MAP7: variants seen among roughly 807,000 people sequenced by gnomAD.
The protein encoded by MAP7 is microtubule associated protein 7.
MAP7 carries 52 observed loss-of-function variants against 94.8 expected under a neutral mutation model. The observed-to-expected ratio is 0.55, with a 90% CI of 0.44 to 0.69. The LOEUF (loss-of-function observed/expected upper bound fraction) is 0.69. Ranked by LOEUF, MAP7 falls within the 30% of genes least tolerant of loss-of-function variation. MAP7 has a pLI of 0.00. For missense variants in MAP7, 940 were observed against 964.6 expected (o/e 0.97, Z 0.34); for synonymous variants, 350 against 357.0 (o/e 0.98, Z 0.22).
chr6:136,480,360 C>T lies in MAP7; in HGVS notation c.68-58561G>A, dbSNP rs901776569. ...AAATCAAATCAAAATGTATTAAATT[C>T]TTACATCTAACACTTCAAACTATGA... On this transcript the variant is annotated intron_variant, in intron 1 of 17. Coordinates refer to ENST00000354570, the MANE Select transcript of MAP7 (RefSeq NM_003980.6). 5.3e-5 allele frequency among the ~76,000 whole-genome samples: 8 copies of T among 152,138 alleles called. No individual in the cohort carries two copies. In the East Asian group the frequency reaches 1.5e-3, roughly 29 times the overall value.
chr6:136,424,092 C>T (rs772033299), intron 1 of MAP7, among the ~76,000 whole-genome samples: 54 of 152,000 alleles, frequency 3.6e-4, no homozygotes, highest in Non-Finnish European at 7.1e-4. Context: ...GCCACCACGC[C>T]CAGCTGGGAG....
chr6:136,491,999 A>T (rs749174174), intron 1 of MAP7, among the ~76,000 whole-genome samples: 5 of 152,224 alleles, frequency 3.3e-5, no homozygotes, highest in Non-Finnish European at 5.9e-5. Flanking sequence ...TTTCTCTGTT[A>T]TGCTCCTCAA....
intron 1 of MAP7, among the ~76,000 whole-genome samples, chr6:136,476,745 T>A (rs952018241): frequency 6.6e-6 from 1 of 152,092 alleles, no homozygotes; most frequent in Non-Finnish European, 1.5e-5. Context: ...TATGCATACA[T>A]TTTAGGTGTG....
At chr6:136,445,033 G>C (rs1798915942) in intron 1 of MAP7, among the ~76,000 whole-genome samples, 1 of 152,158 alleles carries the variant, frequency 6.6e-6, no homozygotes, top group Non-Finnish European at 1.5e-5. Flanking sequence ...AATGAAACGA[G>C]TTCAACTGTT....
chr6:136,356,591 C>T, intron 16 of MAP7, 101 bp downstream of exon 16: 1 of 864,684 alleles, frequency 1.2e-6, no homozygotes, highest in Middle Eastern at 3.5e-4. Flanking sequence ...ATGAGGCCCC[C>T]CCCAAATAAT....
At chr6:136,544,160 G>A (rs1006606970) in intron 1 of MAP7, among the ~76,000 whole-genome samples, 1 of 152,176 alleles carries the variant, frequency 6.6e-6, no homozygotes, top group Non-Finnish European at 1.5e-5. Context: ...GAGCTCAAGC[G>A]ATCTGCCCGC....
intron 1 of MAP7, among the ~76,000 whole-genome samples, chr6:136,456,822 G>GAAGAAGGAAGAAGAAGAAGAAGAA (rs1554259490): frequency 2.9e-5 from 2 of 69,034 alleles, no homozygotes; most frequent in Admixed American, 1.8e-4. Context: ...AGAAGAAGAA[G>GAAGAAGGAAGAAGAAGAAGAAGAA]GAAGAAGAAG....
At chr6:136,362,428 T>TG (rs200026879) in intron 11 of MAP7, 22 bp downstream of exon 11, 33,670 of 1,611,942 alleles carry the variant, frequency 0.021, 438 homozygotes, top group South Asian at 0.029. Context: ...CACCATGGTG[T>TG]GGAGCAATGT....
intron 1 of MAP7, among the ~76,000 whole-genome samples, chr6:136,504,250 GGA>G (rs1224786960): frequency 6.6e-6 from 1 of 152,158 alleles, no homozygotes; most frequent in Non-Finnish European, 1.5e-5. Context: ...AGGGAAACAG[GGA>G]GAGAGATGGA....
intron 1 of MAP7, among the ~76,000 whole-genome samples, chr6:136,493,671 C>T (rs1434996550): frequency 6.6e-6 from 1 of 152,190 alleles, no homozygotes; most frequent in Non-Finnish European, 1.5e-5. Context: ...ATGATTATCT[C>T]AAAGTTTTGC....
At chr6:136,506,836 A>G (rs1821664934) in intron 1 of MAP7, among the ~76,000 whole-genome samples, 2 of 152,208 alleles carry the variant, frequency 1.3e-5, no homozygotes, top group South Asian at 4.1e-4. Flanking sequence ...TGCACCTGTA[A>G]CAATAGCTGA....
chr6:136,465,978 A>G (rs1806882980), intron 1 of MAP7, among the ~76,000 whole-genome samples: 2 of 152,150 alleles, frequency 1.3e-5, no homozygotes, highest in Admixed American at 1.3e-4. Context: ...TAAAAATTAA[A>G]CTTGATAGAA....
chr6:136,534,000 G>A (rs756458024), intron 1 of MAP7, among the ~76,000 whole-genome samples: 9 of 152,058 alleles, frequency 5.9e-5, no homozygotes, highest in Admixed American at 2.0e-4. Flanking sequence ...TACTGAAAGC[G>A]TAATATCCTG....
rs113337066 is a variant in MAP7 at position 136,362,672 on chromosome 6, G to A, written c.1304C>T (p.Ser435Leu). The A allele has an allele frequency of 6.2e-3, 9,953 of 1,603,104 alleles. 160 individuals are homozygous for A. The highest frequency in any genetic ancestry group is 0.048 in the East Asian group (2,131 of 44,448). ...TGGGGCCGAGGCTGGAGCTGGGGCC[G>A]AGGCTGGAGCTGGGGCCATGGCTGG... ...AAPAMAPAPA[S>L]APAPASAPAP... Residue 435 changes from serine (S) to leucine (L), a missense_variant, in exon 11 of 18, where the codon TCG becomes TTG. Ser to Leu is a moderately radical substitution (Grantham distance 145, BLOSUM62 -2). Transcript: ENST00000354570.
At chr6:136,545,895 C>A (rs1242289738) in intron 1 of MAP7, among the ~76,000 whole-genome samples, 2 of 152,122 alleles carry the variant, frequency 1.3e-5, no homozygotes, top group African/African-American at 4.8e-5. Context: ...AAGCATTTAT[C>A]CTTTGTGTTA....
intron 8 of MAP7, among the ~76,000 whole-genome samples, chr6:136,366,877 T>C (rs1171114622): frequency 6.6e-6 from 1 of 152,104 alleles, no homozygotes; most frequent in East Asian, 1.9e-4. Flanking sequence ...ACACTATATC[T>C]CAGTCTTTAA....
intron 2 of MAP7, among the ~76,000 whole-genome samples, chr6:136,420,652 T>A (rs1310437546): frequency 6.6e-6 from 1 of 152,200 alleles, no homozygotes; most frequent in Non-Finnish European, 1.5e-5. Context: ...AAAGGCAGGT[T>A]GACTGACTAA....
intron 13 of MAP7, among the ~76,000 whole-genome samples, 164 bp downstream of exon 13, chr6:136,360,533 C>G (rs550029204): frequency 2.4e-4 from 36 of 151,946 alleles, no homozygotes; most frequent in African/African-American, 8.2e-4. Flanking sequence ...TTGGTGACGG[C>G]TAAAACACCG....
At chr6:136,512,298 C>T (rs1823519590) in intron 1 of MAP7, among the ~76,000 whole-genome samples, 1 of 152,228 alleles carries the variant, frequency 6.6e-6, no homozygotes, top group Non-Finnish European at 1.5e-5. Context: ...ACTAAGAGGT[C>T]TTGAATCAGC....
Sources: gnomAD v4.1 joint callset for allele counts (sites outside exome capture counted in the v4.1 genomes callset) on GRCh38, gnomAD v4.1.1 for gene constraint, MANE v1.5 for transcripts, NCBI Gene and HGNC (gene_info 2026-07-23, HGNC 2026-07-21) for gene names.